The following ARHGAP5 variants were observed in gnomAD, a reference collection of about 807,000 sequenced individuals.
The protein encoded by ARHGAP5 is rho GTPase-activating protein 5.
In ARHGAP5, 23 loss-of-function variants were observed where a neutral mutation model predicts 116.6. The ratio of observed to expected loss-of-function variants is 0.20; its 90% CI spans 0.14 to 0.28. The LOEUF (loss-of-function observed/expected upper bound fraction) is 0.28. Among genes scored for constraint, ARHGAP5 ranks in the 10% least tolerant of loss-of-function variants. ARHGAP5 has a pLI of 1.00. For synonymous variants in ARHGAP5, 574 were observed against 602.0 expected, an observed-to-expected ratio of 0.95 and a Z score of 0.68; for missense variants, 1,405 against 1,774.8, an observed-to-expected ratio of 0.79 and a Z score of 3.74.
rs757499390 is a variant in ARHGAP5, at chr14:32,156,645, G to A, written c.*1697G>A. The A allele has an allele frequency of 6.6e-6, 1 of 152,078 alleles. No individual in the cohort carries two copies. The highest frequency in any genetic ancestry group is 2.4e-5 in the African/African-American group (1 of 41,346). The allele number at this position is 152,078 out of a possible 1,614,324, so 9.4% of individuals were successfully genotyped here. A position where few individuals can be genotyped will look rare whatever the true frequency, so the allele number is the denominator to read the frequency against. ...TACAGTAATTTTTAAAAAAAAATCC[G>A]GTAAATGTAGTATTCTTAACCTGTT... On this transcript the variant is annotated 3_prime_UTR_variant, in exon 7 of 7. Coordinates refer to ENST00000345122, the MANE Select transcript of ARHGAP5 (RefSeq NM_001030055.2).
chr14:32,114,849 A>T (rs1389552635), intron 2 of ARHGAP5, among the ~76,000 whole-genome samples: 1 of 152,202 alleles, frequency 6.6e-6, no homozygotes, highest in Non-Finnish European at 1.5e-5. Flanking sequence ...GATGAAGACT[A>T]TTGTTTTCAG....
In ARHGAP5 at chr14:32,093,324, T is replaced by C. The variant is rs780764419; in HGVS notation, c.2655T>C (p.Thr885=). Residue 885 remains threonine (T), a synonymous_variant, in exon 2 of 7, where the codon ACT becomes ACC. Transcript: ENST00000345122. ...TTCCTGTACAGCTGGTGGCAGTTAC[T>C]GACAGCCAAGCAGATTTTTTTGAAA... ...DTIPVQLVAV[T]DSQADFFENE... is the part of the protein sequence containing the mutation. 3 of 1,613,986 alleles carry C rather than the reference T, an allele frequency of 1.9e-6. No individual in the cohort carries two copies. The highest frequency in any genetic ancestry group is 2.2e-5 in the East Asian group (1 of 44,864).
At chr14:32,123,548 G>C (rs1236318615) in intron 3 of ARHGAP5, among the ~76,000 whole-genome samples, 1 of 151,590 alleles carries the variant, frequency 6.6e-6, no homozygotes, top group Non-Finnish European at 1.5e-5. Flanking sequence ...GCCTCTTTCT[G>C]TTGTTTTTGT....
chr14:32,154,504 C>A (rs1157918304), intron 6 of ARHGAP5, 117 bp from the exon 7 acceptor site: 1 of 950,834 alleles, frequency 1.1e-6, no homozygotes, highest in African/African-American at 1.7e-5. Context: ...AATTTTTAAA[C>A]CCCAGGTTTG....
At chr14:32,121,176 T>C (rs1030887291) in intron 3 of ARHGAP5, among the ~76,000 whole-genome samples, 1 of 151,946 alleles carries the variant, frequency 6.6e-6, no homozygotes, top group East Asian at 1.9e-4. Context: ...CCCAGCCACC[T>C]TTTTTGGTTT....
At chr14:32,153,448 A>AAAAATT in intron 6 of ARHGAP5, among the ~76,000 whole-genome samples, 1 of 67,840 alleles carries the variant, frequency 1.5e-5, no homozygotes, top group Non-Finnish European at 2.9e-5. Flanking sequence ...AAAAAAAAAG[A>AAAAATT]TTGTTTTATG....
At chr14:32,131,218 G>T (rs188279556) in intron 3 of ARHGAP5, among the ~76,000 whole-genome samples, 88 of 149,426 alleles carry the variant, frequency 5.9e-4, no homozygotes, top group African/African-American at 2.1e-3. Context: ...CAAGGTCCCA[G>T]CAAGAATCAT....
At position 32,077,386 on chromosome 14, in the gene ARHGAP5, G is replaced by T. The variant is rs1464988606; in HGVS notation, c.-218G>T. 2 of 701,264 alleles carry T rather than the reference G, an allele frequency of 2.9e-6. No individual in the cohort carries two copies. The highest frequency in any genetic ancestry group is 2.0e-5 in the Admixed American group (1 of 49,972). 43.4% of individuals were successfully genotyped at this position (701,264 alleles called of 1,614,324 possible). A position where few individuals can be genotyped will look rare whatever the true frequency, so the allele number is the denominator to read the frequency against. ...CAGGAATGTCGCTGCCGCCGCCACC[G>T]CCGGGGCCGCTGCCGTTGAGGAGGA... On this transcript the variant is annotated 5_prime_UTR_variant, in exon 1 of 7. Coordinates refer to ENST00000345122, the MANE Select transcript of ARHGAP5 (RefSeq NM_001030055.2).
intron 3 of ARHGAP5, among the ~76,000 whole-genome samples, chr14:32,131,015 G>A (rs1209008088): frequency 2.0e-5 from 3 of 152,136 alleles, no homozygotes; most frequent in Admixed American, 1.3e-4. Context: ...AAAACGGCAT[G>A]ACACTTCACC....
intron 2 of ARHGAP5, among the ~76,000 whole-genome samples, chr14:32,116,007 A>G (rs1879556415): frequency 6.7e-6 from 1 of 148,362 alleles, no homozygotes; most frequent in Admixed American, 6.7e-5. Context: ...AAAAAAAGCT[A>G]CTGGGCGCAG....
chr14:32,102,237 G>T (rs1270580310), intron 2 of ARHGAP5, among the ~76,000 whole-genome samples: 1 of 152,234 alleles, frequency 6.6e-6, no homozygotes, highest in East Asian at 1.9e-4. Context: ...TGTACAGGAA[G>T]TGTGTTCAAA....
rs1882010742 is a variant in ARHGAP5, at chr14:32,159,048, TAATTA to T, written c.*4105_*4109del. On this transcript the variant is annotated 3_prime_UTR_variant, in exon 7 of 7. Transcript: ENST00000345122. Reference sequence around the variant, plus strand: ...GTCACAGAATCTCATATTCACATCTTAATTAAATTGTGTGAAATTAGTCTTTTGTG... The same window carrying T: ...GTCACAGAATCTCATATTCACATCTTAATTGTGTGAAATTAGTCTTTTGTG... The T allele has an allele frequency of 6.6e-6, 1 of 152,130 alleles. No individual in the cohort carries two copies. The highest frequency in any genetic ancestry group is 2.4e-5 in the African/African-American group (1 of 41,460). The allele number at this position is 152,130 out of a possible 1,614,324, so 9.4% of individuals were successfully genotyped here. A position where few individuals can be genotyped will look rare whatever the true frequency, so the allele number is the denominator to read the frequency against.
At chr14:32,109,809 C>T (rs1879196839) in intron 2 of ARHGAP5, among the ~76,000 whole-genome samples, 1 of 152,112 alleles carries the variant, frequency 6.6e-6, no homozygotes, top group African/African-American at 2.4e-5. Context: ...GCTAAGAATT[C>T]TTGACACATG....
At chr14:32,081,548 CAAAAA>C (rs529516365) in intron 1 of ARHGAP5, among the ~76,000 whole-genome samples, 3 of 48,892 alleles carry the variant, frequency 6.1e-5, no homozygotes, top group African/African-American at 2.0e-4. Context: ...GACTCCTTCT[CAAAAA>C]AAAAAAAAAA....
At chr14:32,079,259 A>AT (rs2041747229) in intron 1 of ARHGAP5, among the ~76,000 whole-genome samples, 1 of 152,190 alleles carries the variant, frequency 6.6e-6, no homozygotes, top group African/African-American at 2.4e-5. Flanking sequence ...CTAGATCAAC[A>AT]TGTCTTATTT....
intron 3 of ARHGAP5, among the ~76,000 whole-genome samples, chr14:32,119,064 A>G (rs1879748335): frequency 6.6e-6 from 1 of 152,158 alleles, no homozygotes; most frequent in Admixed American, 6.5e-5. Flanking sequence ...CATAGACTGT[A>G]GAATAGAATA....
At position 32,143,227 on chromosome 14, in the gene ARHGAP5, G is replaced by GTTA. The variant is rs1277351875; in HGVS notation, c.3866-3034_3866-3033insATT. On this transcript the variant is annotated intron_variant, in intron 3 of 6. Transcript: ENST00000345122. ...AGTTGTTGTTGTTGTTGTTGTTGTT[G>GTTA]TTGTTGTTGTTGTTATTATTATTAT... Among the ~76,000 whole-genome samples, 771 of 147,640 alleles carry GTTA rather than the reference G, an allele frequency of 5.2e-3. 14 individuals are homozygous for GTTA. The highest frequency in any genetic ancestry group is 0.02 in the African/African-American group (742 of 37,762).
intron 3 of ARHGAP5, among the ~76,000 whole-genome samples, chr14:32,131,010 G>A (rs1367019498): frequency 6.6e-6 from 1 of 152,108 alleles, no homozygotes; most frequent in South Asian, 2.1e-4. Context: ...AGTTAAAAAC[G>A]GCATGACACT....
chr14:32,092,977 A>G lies in ARHGAP5; in HGVS notation c.2308A>G (p.Asn770Asp). The G allele has an allele frequency of 6.2e-7, 1 of 1,614,086 alleles. No homozygotes were observed. The highest frequency in any genetic ancestry group is 1.7e-5 in the Admixed American group (1 of 60,008). ...NLDVVSPIPA[N>D]KDLSEADLRI... ...GGATGTGGTGAGCCCAATTCCTGCC[A>G]ATAAGGACTTATCAGAAGCTGACTT... The change falls in exon 2 of 7, where the codon AAT (asparagine) becomes GAT (aspartate). Residue 770 changes from asparagine (N) to aspartate (D), a missense_variant. This residue lies in a region of ARHGAP5 where 944 missense variants were observed against 1,095.3 expected (regional missense o/e 0.86). Coordinates refer to ENST00000345122, the MANE Select transcript of ARHGAP5 (RefSeq NM_001030055.2). The surrounding 1 kb of genome is among the most constrained non-coding windows in gnomAD (Gnocchi z 4.1).
Sources: allele counts gnomAD v4.1 joint callset (sites outside exome capture counted in the v4.1 genomes callset), GRCh38; gene constraint gnomAD v4.1.1; regional missense constraint gnomAD v4.1.1; non-coding constraint Gnocchi (gnomAD v3.1); transcripts MANE v1.5; gene names NCBI Gene and HGNC (gene_info 2026-07-23, HGNC 2026-07-21).